NPAS3: variants seen among roughly 807,000 people sequenced by gnomAD.
NPAS3 encodes neuronal PAS domain-containing protein 3.
In NPAS3, 14 loss-of-function variants were observed where a neutral mutation model predicts 73.1. The observed-to-expected ratio is 0.19, with a 90% CI of 0.13 to 0.30. The LOEUF (loss-of-function observed/expected upper bound fraction) is 0.30, where lower values mean the gene tolerates loss of function less well. Ranked by LOEUF, NPAS3 falls within the 10% of genes least tolerant of loss-of-function variation. NPAS3 has a pLI of 1.00. For missense variants in NPAS3, 1,096 were observed against 1,250.0 expected (o/e 0.88, Z 1.86); for synonymous variants, 620 against 541.5 (o/e 1.14, Z -2.01).
chr14:33,747,868 G>A (rs759059411), intron 7 of NPAS3, among the ~76,000 whole-genome samples: 4 of 152,212 alleles, frequency 2.6e-5, no homozygotes, highest in African/African-American at 7.2e-5. Context: ...ATTTCACTTC[G>A]ATTTCTGCTG....
At chr14:33,802,821 C>A (rs1255746404), downstream of NPAS3, 6 of 152,146 alleles carry the variant, frequency 3.9e-5, no homozygotes, top group African/African-American at 1.4e-4. Flanking sequence ...TCCGTTTTAC[C>A]TTTTAAAATT....
chr14:33,166,194 T>C (rs1176259044), intron 2 of NPAS3, among the ~76,000 whole-genome samples: 2 of 152,142 alleles, frequency 1.3e-5, no homozygotes, highest in Non-Finnish European at 2.9e-5. Flanking sequence ...CTTCTTGAAA[T>C]CCTTAATAAT....
At chr14:33,471,374 G>T (rs976504988) in intron 4 of NPAS3, among the ~76,000 whole-genome samples, 1 of 152,202 alleles carries the variant, frequency 6.6e-6, no homozygotes, top group East Asian at 1.9e-4. Context: ...TTGAAAGCAA[G>T]GTTTCCCTTA....
chr14:33,488,890 C>T (rs1036386300), intron 4 of NPAS3, among the ~76,000 whole-genome samples: 2 of 152,098 alleles, frequency 1.3e-5, no homozygotes, highest in Non-Finnish European at 2.9e-5. Context: ...TGTAAAACAC[C>T]AGCATGTGCA....
intron 1 of NPAS3, among the ~76,000 whole-genome samples, chr14:33,049,269 C>T (rs974874424): frequency 6.6e-6 from 1 of 152,190 alleles, no homozygotes; most frequent in African/African-American, 2.4e-5. Flanking sequence ...CCATCTCTAA[C>T]CCATGTGAAA....
intron 7 of NPAS3, among the ~76,000 whole-genome samples, chr14:33,771,154 C>A (rs561333434): frequency 6.6e-6 from 1 of 152,314 alleles, no homozygotes; most frequent in African/African-American, 2.4e-5. Context: ...TGGATACATG[C>A]TGTCAGACTT....
At chr14:33,139,008 G>A (rs1238470437) in intron 2 of NPAS3, among the ~76,000 whole-genome samples, 2 of 152,172 alleles carry the variant, frequency 1.3e-5, no homozygotes, top group Non-Finnish European at 2.9e-5. Context: ...GCTATAGCTG[G>A]CAAAAGTTTC....
chr14:33,386,297 C>G (rs2046773036), intron 4 of NPAS3, among the ~76,000 whole-genome samples: 1 of 152,072 alleles, frequency 6.6e-6, no homozygotes. Context: ...TCAGTAAGTA[C>G]TTTTTTATCT....
chr14:33,752,078 A>C (rs2140768225), intron 7 of NPAS3, among the ~76,000 whole-genome samples: 1 of 152,316 alleles, frequency 6.6e-6, no homozygotes, highest in East Asian at 1.9e-4. Flanking sequence ...TTACTTTTTA[A>C]AAAACATAAT....
intron 4 of NPAS3, among the ~76,000 whole-genome samples, chr14:33,541,706 C>A (rs1022315268): frequency 3.3e-5 from 5 of 152,178 alleles, no homozygotes; most frequent in Non-Finnish European, 4.4e-5. Flanking sequence ...AATGAAAGGG[C>A]TATCTGTACA....
At chr14:33,684,644 A>AAGT (rs1241793573) in intron 6 of NPAS3, among the ~76,000 whole-genome samples, 1 of 152,120 alleles carries the variant, frequency 6.6e-6, no homozygotes, top group African/African-American at 2.4e-5. Flanking sequence ...AGTGATCAGT[A>AAGT]AGTAAGTGGC....
chr14:33,247,610 G>A (rs2048438186), intron 3 of NPAS3, among the ~76,000 whole-genome samples: 1 of 152,088 alleles, frequency 6.6e-6, no homozygotes, highest in African/African-American at 2.4e-5. Flanking sequence ...TTCACTACAA[G>A]TTGGTCAAAT....
chr14:33,414,719 G>A (rs1255635199), intron 4 of NPAS3, among the ~76,000 whole-genome samples: 1 of 152,100 alleles, frequency 6.6e-6, no homozygotes, highest in Non-Finnish European at 1.5e-5. Context: ...TTCTCAGTTA[G>A]GGCCACTTAG....
intron 2 of NPAS3, among the ~76,000 whole-genome samples, chr14:33,083,632 G>A (rs1487617369): frequency 6.6e-6 from 1 of 152,128 alleles, no homozygotes; most frequent in African/African-American, 2.4e-5. Context: ...TAAAATCTTA[G>A]GACTTTTTAA....
At chr14:33,045,112 C>T (rs901386525) in intron 1 of NPAS3, among the ~76,000 whole-genome samples, 1 of 152,134 alleles carries the variant, frequency 6.6e-6, no homozygotes, top group Admixed American at 6.5e-5. Flanking sequence ...CTCATCACTT[C>T]TCTCCCCTTG....
chr14:33,231,872 C>T (rs1007979134), intron 3 of NPAS3, among the ~76,000 whole-genome samples: 4 of 152,102 alleles, frequency 2.6e-5, no homozygotes, highest in Admixed American at 6.5e-5. Context: ...TGGCCCTTGA[C>T]GTAGGCAAAT....
chr14:33,441,998 G>A (rs1363248854), intron 4 of NPAS3, among the ~76,000 whole-genome samples: 1 of 152,102 alleles, frequency 6.6e-6, no homozygotes, highest in African/African-American at 2.4e-5. Context: ...TGGGGACACA[G>A]CCAAACCATA....
intron 2 of NPAS3, among the ~76,000 whole-genome samples, chr14:33,088,755 C>G (rs2042119594): frequency 1.3e-5 from 2 of 152,180 alleles, no homozygotes. Flanking sequence ...CCCCGAGTAG[C>G]CTAACTGGGA....
intron 4 of NPAS3, among the ~76,000 whole-genome samples, chr14:33,545,857 C>G (rs1222574472): frequency 6.6e-6 from 1 of 152,176 alleles, no homozygotes; most frequent in East Asian, 1.9e-4. Context: ...TAAGATATGG[C>G]CTCTGGCAGT....
Sources: gnomAD v4.1 joint callset for allele counts (sites outside exome capture counted in the v4.1 genomes callset) on GRCh38, gnomAD v4.1.1 for gene constraint, MANE v1.5 for transcripts, NCBI Gene and HGNC (gene_info 2026-07-23, HGNC 2026-07-21) for gene names.